HCN1: variants seen among roughly 807,000 people sequenced by gnomAD.
HCN1 encodes potassium/sodium hyperpolarization-activated cyclic nucleotide-gated channel 1.
HCN1 carries 13 observed loss-of-function variants against 78.9 expected under a neutral mutation model. The ratio of observed to expected loss-of-function variants is 0.16; its 90% CI spans 0.11 to 0.26. The LOEUF (loss-of-function observed/expected upper bound fraction) is 0.26. Ranked by LOEUF, HCN1 falls within the 10% of genes least tolerant of loss-of-function variation. HCN1 has a pLI of 1.00. For synonymous variants in HCN1, 552 were observed against 455.5 expected, an observed-to-expected ratio of 1.21 and a Z score of -2.70; for missense variants, 810 against 1,154.3, an observed-to-expected ratio of 0.70 and a Z score of 4.32.
chr5:45,617,774 C>A (rs1280351785), intron 2 of HCN1, among the ~76,000 whole-genome samples: 1 of 141,478 alleles, frequency 7.1e-6, no homozygotes, highest in Non-Finnish European at 1.6e-5. Context: ...AAGGAGTAAC[C>A]ATTATTAGTT....
In HCN1 at chr5:45,519,809, AT is replaced by A. The variant is rs533217954; in HGVS notation, c.850-57803del. 3.4e-3 allele frequency among the ~76,000 whole-genome samples: 500 copies of A among 146,992 alleles called. 1 individual carries two copies. The highest frequency in any genetic ancestry group is 4.7e-3 in the South Asian group (22 of 4,664). ...GCTGTATTCATTCATTTTAAAATGT[AT>A]TTTTTTTTTTACCATTTTAGCTCTT... On this transcript the variant is annotated intron_variant, in intron 2 of 7. Transcript: ENST00000303230.
At chr5:45,509,343 T>G (rs1229037384) in intron 2 of HCN1, among the ~76,000 whole-genome samples, 1 of 152,106 alleles carries the variant, frequency 6.6e-6, no homozygotes, top group Admixed American at 6.6e-5. Flanking sequence ...ATGATATGTC[T>G]TTATAAACTT....
At chr5:45,371,898 A>ATAT (rs1561127559) in intron 4 of HCN1, among the ~76,000 whole-genome samples, 1 of 111,882 alleles carries the variant, frequency 8.9e-6, no homozygotes, top group African/African-American at 3.5e-5. Flanking sequence ...TATAATATAC[A>ATAT]TTATATTATA....
intron 4 of HCN1, among the ~76,000 whole-genome samples, chr5:45,359,961 T>TATATA (rs1747078330): frequency 6.7e-6 from 1 of 149,190 alleles, no homozygotes; most frequent in African/African-American, 2.5e-5. Context: ...ATATATATAT[T>TATATA]TTTTTTACCT....
At chr5:45,529,433 T>C (rs895375855) in intron 2 of HCN1, among the ~76,000 whole-genome samples, 1 of 152,056 alleles carries the variant, frequency 6.6e-6, no homozygotes, top group Admixed American at 6.6e-5. Flanking sequence ...AGGTTTATTC[T>C]AATAGTGATT....
intron 2 of HCN1, among the ~76,000 whole-genome samples, chr5:45,524,211 T>TATCTC (rs1742677712): frequency 6.6e-6 from 1 of 152,214 alleles, no homozygotes; most frequent in Non-Finnish European, 1.5e-5. Context: ...TTCTGTTCCA[T>TATCTC]TGATCTATAT....
At chr5:45,427,266 A>C (rs1237174291) in intron 3 of HCN1, among the ~76,000 whole-genome samples, 1 of 152,058 alleles carries the variant, frequency 6.6e-6, no homozygotes, top group Non-Finnish European at 1.5e-5. Context: ...TTCTACCTTT[A>C]AATGTCAAAA....
intron 1 of HCN1, among the ~76,000 whole-genome samples, chr5:45,652,755 A>G (rs746907445): frequency 6.6e-6 from 1 of 152,022 alleles, no homozygotes; most frequent in Non-Finnish European, 1.5e-5. Flanking sequence ...TGTTTATTAT[A>G]GCATAGCTTT....
chr5:45,659,211 C>G (rs1745862839), intron 1 of HCN1, among the ~76,000 whole-genome samples: 1 of 147,538 alleles, frequency 6.8e-6, no homozygotes, highest in South Asian at 2.2e-4. Flanking sequence ...CCTCACACGG[C>G]AGGGTATTCT....
intron 5 of HCN1, among the ~76,000 whole-genome samples, chr5:45,340,525 A>T (rs1746554751): frequency 6.6e-6 from 1 of 152,036 alleles, no homozygotes; most frequent in Non-Finnish European, 1.5e-5. Context: ...CCTTGCTATG[A>T]TCTGTCTCAC....
chr5:45,452,097 C>A (rs1740930737), intron 3 of HCN1, among the ~76,000 whole-genome samples: 1 of 150,846 alleles, frequency 6.6e-6, no homozygotes, highest in Admixed American at 6.6e-5. Flanking sequence ...TTGTAAAATA[C>A]AAAGATATGG....
At chr5:45,659,629 A>G (rs1580027963) in intron 1 of HCN1, among the ~76,000 whole-genome samples, 1 of 145,634 alleles carries the variant, frequency 6.9e-6, no homozygotes, top group East Asian at 2.0e-4. Flanking sequence ...GGAGCTGAAA[A>G]CCAAGGCTCG....
intron 2 of HCN1, among the ~76,000 whole-genome samples, chr5:45,508,010 A>G (rs1331674421): frequency 6.6e-6 from 1 of 152,138 alleles, no homozygotes; most frequent in Non-Finnish European, 1.5e-5. Flanking sequence ...AATTCTGAAG[A>G]TTATCATATA....
At chr5:45,585,498 T>C (rs1159371468) in intron 2 of HCN1, among the ~76,000 whole-genome samples, 1 of 152,202 alleles carries the variant, frequency 6.6e-6, no homozygotes, top group African/African-American at 2.4e-5. Context: ...TCAGAGTAGT[T>C]TGATCGTCTG....
intron 2 of HCN1, among the ~76,000 whole-genome samples, chr5:45,553,566 A>G (rs992780255): frequency 6.6e-6 from 1 of 151,858 alleles, no homozygotes; most frequent in Admixed American, 6.6e-5. Flanking sequence ...ATTGGTTCCA[A>G]CATCTCCCAT....
chr5:45,392,973 T>A (rs887040096), intron 4 of HCN1, among the ~76,000 whole-genome samples: 1 of 152,132 alleles, frequency 6.6e-6, no homozygotes, highest in Non-Finnish European at 1.5e-5. Flanking sequence ...CTTGGTGGCT[T>A]GGTATCTTGT....
chr5:45,550,458 G>A (rs1050756602), intron 2 of HCN1, among the ~76,000 whole-genome samples: 2 of 152,072 alleles, frequency 1.3e-5, no homozygotes, highest in Non-Finnish European at 2.9e-5. Flanking sequence ...AGAACACGTG[G>A]ACACAGGAAG....
At chr5:45,370,527 T>A (rs982823287) in intron 4 of HCN1, among the ~76,000 whole-genome samples, 1 of 152,050 alleles carries the variant, frequency 6.6e-6, no homozygotes, top group Non-Finnish European at 1.5e-5. Flanking sequence ...ACCTTCCTCA[T>A]TGCTACCTTT....
chr5:45,278,999 C>A (rs1003163750), intron 6 of HCN1, among the ~76,000 whole-genome samples: 1 of 152,040 alleles, frequency 6.6e-6, no homozygotes, highest in African/African-American at 2.4e-5. Flanking sequence ...TGAACTTTTA[C>A]AGAAAAACAT....
Sources: allele counts gnomAD v4.1 joint callset (sites outside exome capture counted in the v4.1 genomes callset), GRCh38; gene constraint gnomAD v4.1.1; transcripts MANE v1.5; gene names NCBI Gene and HGNC (gene_info 2026-07-23, HGNC 2026-07-21).